Variants in P2RY12 observed in about 807,000 individuals in gnomAD.
P2RY12 encodes the protein purinergic receptor P2Y12.
A neutral mutation model predicts 4.5 loss-of-function variants in P2RY12; 3 were observed. The ratio of observed to expected loss-of-function variants is 0.67; its 90% CI spans 0.31 to 1.74. P2RY12 has a LOEUF of 1.74. Ranked by LOEUF, P2RY12 falls within the 40% of genes most tolerant of loss-of-function variation. P2RY12 has a pLI of 0.09. For missense variants in P2RY12, 356 were observed against 407.8 expected, an observed-to-expected ratio of 0.87 and a Z score of 1.09; for synonymous variants, 148 against 154.1, an observed-to-expected ratio of 0.96 and a Z score of 0.29.
intron 1 of P2RY12, among the ~76,000 whole-genome samples, chr3:151,383,303 A>G (rs1356785662): frequency 6.6e-6 from 1 of 152,196 alleles, no homozygotes; most frequent in African/African-American, 2.4e-5. Context: ...CAACACGTGA[A>G]CTGGTAGGTG....
At chr3:151,384,146 C>T in intron 1 of P2RY12, 5 of 1,613,982 alleles carry the variant, frequency 3.1e-6, no homozygotes, top group Non-Finnish European at 4.2e-6. Context: ...TAGCCTCTGA[C>T]CTATCAAATG....
chr3:151,364,846 TAAG>T, intron 1 of P2RY12: 1 of 650,500 alleles, frequency 1.5e-6, no homozygotes, highest in East Asian at 2.7e-5. Flanking sequence ...AAGTTCTAAT[TAAG>T]AACTCATAAT....
At chr3:151,339,842 A>G (rs1751575970) in intron 2 of P2RY12, among the ~76,000 whole-genome samples, 1 of 152,144 alleles carries the variant, frequency 6.6e-6, no homozygotes, top group Non-Finnish European at 1.5e-5. Flanking sequence ...CATCTTGGGA[A>G]TTTGAAATGA....
At chr3:151,366,221 A>C (rs1438247108) in intron 1 of P2RY12, among the ~76,000 whole-genome samples, 5 of 152,252 alleles carry the variant, frequency 3.3e-5, no homozygotes, top group Non-Finnish European at 5.9e-5. Context: ...AGAGGGGCCA[A>C]GAATTTCTTT....
chr3:151,382,836 G>C, intron 1 of P2RY12: 4 of 977,146 alleles, frequency 4.1e-6, no homozygotes, highest in South Asian at 3.1e-5. Context: ...TGCAAAGTCT[G>C]CATTACAAGG....
chr3:151,355,177 G>A, intron 1 of P2RY12: 1 of 1,614,004 alleles, frequency 6.2e-7, no homozygotes, highest in Non-Finnish European at 8.5e-7. Flanking sequence ...TCCAACACTG[G>A]AGACTGTGTT....
chr3:151,342,506 A>G (rs1364324141), intron 1 of P2RY12, among the ~76,000 whole-genome samples: 1 of 152,204 alleles, frequency 6.6e-6, no homozygotes, highest in Non-Finnish European at 1.5e-5. Flanking sequence ...AATCTAGCTG[A>G]GTGAATAAAA....
At chr3:151,346,970 C>T (rs1193543203) in intron 1 of P2RY12, among the ~76,000 whole-genome samples, 1 of 152,032 alleles carries the variant, frequency 6.6e-6, no homozygotes, top group Non-Finnish European at 1.5e-5. Flanking sequence ...GTAATATAAA[C>T]AATACTATTT....
At chr3:151,380,705 T>C (rs1003087260) in intron 1 of P2RY12, among the ~76,000 whole-genome samples, 2 of 151,940 alleles carry the variant, frequency 1.3e-5, no homozygotes, top group Non-Finnish European at 2.9e-5. Context: ...CACCACAAGA[T>C]TAACAACTTT....
At chr3:151,363,676 T>A (rs1396121445) in intron 1 of P2RY12, among the ~76,000 whole-genome samples, 3 of 152,222 alleles carry the variant, frequency 2.0e-5, no homozygotes, top group Non-Finnish European at 4.4e-5. Flanking sequence ...TGCTGCCATT[T>A]AGTAGATGAC....
In P2RY12 at chr3:151,347,278, T is replaced by C. The variant is rs141593909; in HGVS notation, c.-179-6518A>G. 5.6e-4 allele frequency among the ~76,000 whole-genome samples: 86 copies of C among 152,356 alleles called. No individual in the cohort carries two copies. The East Asian group carries it at 0.016, about 28-fold the overall frequency. ...CACCTCTGCCCTATTCCTTTAGCTATATATTTGTTCATTAGTCTGCTTATT... is the reference window on the plus strand; with the variant it reads ...CACCTCTGCCCTATTCCTTTAGCTACATATTTGTTCATTAGTCTGCTTATT... On this transcript the variant is annotated intron_variant, in intron 1 of 2. Transcript: ENST00000302632.
intron 1 of P2RY12, chr3:151,369,352 A>G: frequency 1.1e-6 from 1 of 917,076 alleles, no homozygotes; most frequent in Non-Finnish European, 1.7e-6. Flanking sequence ...ACAGTCTAAC[A>G]ATGAAAGGCT....
At chr3:151,355,452 GATA>G (rs1423233606) in intron 1 of P2RY12, among the ~76,000 whole-genome samples, 1 of 152,014 alleles carries the variant, frequency 6.6e-6, no homozygotes, top group Non-Finnish European at 1.5e-5. Context: ...TTGTCCTTAT[GATA>G]ATAATCGGTG....
intron 1 of P2RY12, among the ~76,000 whole-genome samples, chr3:151,342,869 T>C (rs956934833): frequency 2.6e-5 from 4 of 152,192 alleles, no homozygotes; most frequent in African/African-American, 9.7e-5. Context: ...TTTCTTACAC[T>C]GTCATGGATT....
chr3:151,360,936 A>G (rs1754530726), intron 1 of P2RY12, among the ~76,000 whole-genome samples: 1 of 152,138 alleles, frequency 6.6e-6, no homozygotes, highest in South Asian at 2.1e-4. Context: ...GTGCATTTTA[A>G]GTAAGTCCTA....
At position 151,337,856 on chromosome 3, in the gene P2RY12, T is replaced by G. The variant is rs1751223731; in HGVS notation, c.990A>C (p.Glu330Asp). 6.2e-7 allele frequency: 1 copy of G among 1,614,034 alleles called. No individual in the cohort carries two copies. The highest frequency in any genetic ancestry group is 1.1e-5 in the South Asian group (1 of 91,082). Residue 330 changes from glutamate (E) to aspartate (D), a missense_variant, in exon 3 of 3, where the codon GAA (glutamate) becomes GAC (aspartate). Glu to Asp is a conservative substitution (Grantham distance 45). Transcript: ENST00000302632. Reference sequence around the variant, plus strand: ...CTTCATTTGGGTCACCACCATCCTGTTCTTTTTTCCTATTGTCCTGGGACA... The same window carrying G: ...CTTCATTTGGGTCACCACCATCCTGGTCTTTTTTCCTATTGTCCTGGGACA... ...TSLSQDNRKKEQDGGDPNEET... is the reference protein window; with the variant it reads ...TSLSQDNRKKDQDGGDPNEET...
chr3:151,383,740 T>C (rs750257981), intron 1 of P2RY12: 2 of 1,374,706 alleles, frequency 1.5e-6, no homozygotes, highest in East Asian at 2.3e-5. Context: ...TCTTTCTGTT[T>C]TACAGAATGC....
intron 1 of P2RY12, among the ~76,000 whole-genome samples, chr3:151,361,117 T>G (rs1162781223): frequency 6.6e-6 from 1 of 152,136 alleles, no homozygotes; most frequent in African/African-American, 2.4e-5. Context: ...TTACTTGGAT[T>G]AGCTTTAATA....
In P2RY12 at chr3:151,338,174, C is replaced by T. The variant is rs533622869; in HGVS notation, c.672G>A (p.Arg224=). 101 of 1,613,918 alleles carry T rather than the reference C, an allele frequency of 6.3e-5. No homozygotes were observed. Among genetic ancestry groups the T allele is most frequent in the Non-Finnish European group, 8.1e-5 (95 of 1,180,004 alleles). Residue 224 remains arginine, a synonymous_variant, in exon 3 of 3, where the codon AGG becomes AGA. Coordinates refer to ENST00000302632, the MANE Select transcript of P2RY12 (RefSeq NM_022788.5). ...TTTTCCTGGGGACTTTACCTACACC[C>T]CTCGTTCTTACGTATGACCGGTACA... The part of the protein sequence containing the change: ...KELYRSYVRT[R]GVGKVPRKKV...
Sources: gnomAD v4.1 joint callset for allele counts (sites outside exome capture counted in the v4.1 genomes callset) on GRCh38, gnomAD v4.1.1 for gene constraint, MANE v1.5 for transcripts, NCBI Gene and HGNC (gene_info 2026-07-23, HGNC 2026-07-21) for gene names.